CCNYL1: variants seen among roughly 807,000 people sequenced by gnomAD.
CCNYL1 encodes the protein cyclin-Y-like protein 1.
In CCNYL1, 16 loss-of-function variants were observed where a neutral mutation model predicts 44.2. The observed-to-expected ratio is 0.36, with a 90% CI of 0.25 to 0.55. The LOEUF (loss-of-function observed/expected upper bound fraction) is 0.55, where lower values mean the gene tolerates loss of function less well. CCNYL1 is among the 20% of genes least tolerant of loss of function. CCNYL1 has a pLI of 0.85. For synonymous variants in CCNYL1, 159 were observed against 163.2 expected, an observed-to-expected ratio of 0.97 and a Z score of 0.20; for missense variants, 348 against 451.8, an observed-to-expected ratio of 0.77 and a Z score of 2.08.
intron 7 of CCNYL1, among the ~76,000 whole-genome samples, chr2:207,746,563 C>G (rs1040532244): frequency 6.6e-6 from 1 of 152,148 alleles, no homozygotes; most frequent in African/African-American, 2.4e-5. Context: ...GATATCTGAC[C>G]TACAACTGTG....
chr2:207,724,195 T>C (rs1218125725), intron 1 of CCNYL1, among the ~76,000 whole-genome samples: 1 of 152,208 alleles, frequency 6.6e-6, no homozygotes, highest in Non-Finnish European at 1.5e-5. Flanking sequence ...ACGTTAATCA[T>C]TTTCTAACAT....
rs1437423028 is a variant in CCNYL1 at position 207,755,190 on chromosome 2, G to T, written c.*1492G>T. On this transcript the variant is annotated 3_prime_UTR_variant, in exon 10 of 10. Coordinates refer to ENST00000295414, the MANE Select transcript of CCNYL1 (RefSeq NM_001330218.2). Reference sequence around the variant, plus strand: ...GTGCAGGAGTTCAAGACCAGTCTAGGCAACATAGTGAGACCCTGCCTGTAA... The same window carrying T: ...GTGCAGGAGTTCAAGACCAGTCTAGTCAACATAGTGAGACCCTGCCTGTAA... The T allele has an allele frequency of 6.6e-6, 1 of 152,124 alleles. No homozygotes were observed. Among genetic ancestry groups the T allele is most frequent in the Non-Finnish European group, 1.5e-5 (1 of 68,058 alleles). The allele number at this position is 152,124 out of a possible 1,614,324, so 9.4% of individuals were successfully genotyped here.
chr2:207,725,269 G>A lies in CCNYL1; in HGVS notation c.295+395G>A, dbSNP rs144751912. The stretch of plus-strand genomic sequence containing the variant: ...AGCCTCCCAAGTAGCTAGGACTACA[G>A]GCATGAGCCACCATGTCCGGCTAAT... On this transcript the variant is annotated intron_variant, in intron 2 of 9. Coordinates refer to ENST00000295414, the MANE Select transcript of CCNYL1 (RefSeq NM_001330218.2). Among the ~76,000 whole-genome samples, 1,325 of 152,166 alleles carry A rather than the reference G, an allele frequency of 8.7e-3. 22 individuals carry two copies. The highest frequency in any genetic ancestry group is 0.029 in the African/African-American group (1,220 of 41,516).
chr2:207,742,028 G>A (rs1033933750), intron 6 of CCNYL1, among the ~76,000 whole-genome samples, 195 bp from the exon 7 acceptor site: 2 of 151,142 alleles, frequency 1.3e-5, no homozygotes, highest in African/African-American at 4.9e-5. Flanking sequence ...GCGGGTGCCT[G>A]TAATCCTAGC....
chr2:207,723,255 C>G (rs2091654816), intron 1 of CCNYL1, among the ~76,000 whole-genome samples: 1 of 152,108 alleles, frequency 6.6e-6, no homozygotes, highest in Non-Finnish European at 1.5e-5. Context: ...ATTCATAATT[C>G]ATTTTAACCA....
At chr2:207,745,595 C>T (rs1330768948) in intron 7 of CCNYL1, among the ~76,000 whole-genome samples, 1 of 152,210 alleles carries the variant, frequency 6.6e-6, no homozygotes, top group Non-Finnish European at 1.5e-5. Flanking sequence ...TTGGAGAACA[C>T]TGCCAGATCT....
chr2:207,735,173 C>T (rs2091755614), intron 4 of CCNYL1, among the ~76,000 whole-genome samples: 1 of 152,146 alleles, frequency 6.6e-6, no homozygotes, highest in Non-Finnish European at 1.5e-5. Context: ...TTTGGAAGTA[C>T]AGTAAGTTTT....
At chr2:207,746,407 C>T (rs751322990) in intron 7 of CCNYL1, among the ~76,000 whole-genome samples, 7 of 152,166 alleles carry the variant, frequency 4.6e-5, no homozygotes, top group Non-Finnish European at 7.3e-5. Flanking sequence ...ATACATTGTA[C>T]CTGGTAGGCA....
intron 2 of CCNYL1, among the ~76,000 whole-genome samples, chr2:207,725,153 G>A (rs1235811062): frequency 7.2e-6 from 1 of 139,766 alleles, no homozygotes; most frequent in Non-Finnish European, 1.5e-5. Context: ...TGAGAGGCTG[G>A]AGTGCCTTTA....
intron 3 of CCNYL1, 80 bp from the exon 4 acceptor site, chr2:207,733,867 G>T: frequency 1.2e-6 from 1 of 842,532 alleles, no homozygotes; most frequent in South Asian, 1.5e-5. Context: ...TTTATCATTT[G>T]ACATTTTAAC....
At chr2:207,715,820 G>C (rs1446178888) in intron 1 of CCNYL1, among the ~76,000 whole-genome samples, 1 of 151,538 alleles carries the variant, frequency 6.6e-6, no homozygotes, top group African/African-American at 2.4e-5. Context: ...GGGATTACAG[G>C]TGTGTGCCAC....
At chr2:207,722,746 G>A (rs941864199) in intron 1 of CCNYL1, among the ~76,000 whole-genome samples, 1 of 152,026 alleles carries the variant, frequency 6.6e-6, no homozygotes, top group Non-Finnish European at 1.5e-5. Context: ...AGATCACAAG[G>A]TCAGGAGTTT....
intron 1 of CCNYL1, among the ~76,000 whole-genome samples, chr2:207,715,676 G>C (rs10932207): frequency 0.15 from 22,696 of 149,102 alleles, 2,865 homozygotes; most frequent in East Asian, 0.38. Flanking sequence ...CACCGCGCCT[G>C]GCCTTTTTTT....
intron 7 of CCNYL1, 64 bp downstream of exon 7, chr2:207,742,406 A>G (rs2091818508): frequency 4.2e-6 from 6 of 1,413,128 alleles, no homozygotes; most frequent in Non-Finnish European, 4.7e-6. Flanking sequence ...GTATGGTCCT[A>G]TTTTTCAAAT....
chr2:207,731,014 A>G (rs1459961411), intron 3 of CCNYL1, among the ~76,000 whole-genome samples: 1 of 152,212 alleles, frequency 6.6e-6, no homozygotes, highest in Non-Finnish European at 1.5e-5. Context: ...GACATTTTTT[A>G]GTTATAATAA....
chr2:207,750,906 A>T (rs1481018826), intron 8 of CCNYL1, 51 bp from the exon 9 acceptor site: 1 of 1,518,644 alleles, frequency 6.6e-7, no homozygotes, highest in South Asian at 1.2e-5. Flanking sequence ...AAGATAGCCC[A>T]GTTGACTGAC....
At chr2:207,722,458 G>A (rs566313308) in intron 1 of CCNYL1, among the ~76,000 whole-genome samples, 172 of 152,140 alleles carry the variant, frequency 1.1e-3, no homozygotes, top group Non-Finnish European at 2.0e-3. Context: ...GATTTGGGGC[G>A]GGGGAGGTGT....
At chr2:207,717,108 CAA>C (rs1171959044) in intron 1 of CCNYL1, among the ~76,000 whole-genome samples, 35 of 62,110 alleles carry the variant, frequency 5.6e-4, no homozygotes, top group Admixed American at 5.8e-4. Flanking sequence ...GACTCCATCT[CAA>C]AAAAAAAAAA....
chr2:207,727,467 A>G (rs1157831029), intron 3 of CCNYL1, among the ~76,000 whole-genome samples: 2 of 152,058 alleles, frequency 1.3e-5, no homozygotes, highest in Non-Finnish European at 2.9e-5. Flanking sequence ...CCTAGCCTCC[A>G]CTAGCTCACA....
Sources: allele counts gnomAD v4.1 joint callset (sites outside exome capture counted in the v4.1 genomes callset), GRCh38; gene constraint gnomAD v4.1.1; transcripts MANE v1.5; gene names NCBI Gene and HGNC (gene_info 2026-07-23, HGNC 2026-07-21).